Variants in NOL8 observed in about 807,000 individuals in gnomAD.
NOL8 encodes the protein nucleolar protein Nop132.
In NOL8, 93 loss-of-function variants were observed where a neutral mutation model predicts 116.1. The observed-to-expected ratio is 0.80, with a 90% CI of 0.68 to 0.95. The LOEUF is 0.95. NOL8 is among the 40% of genes least tolerant of loss of function. The pLI, the probability that NOL8 is intolerant of heterozygous loss-of-function variation, is 0.00. For synonymous variants in NOL8, 419 were observed against 469.0 expected, an observed-to-expected ratio of 0.89 and a Z score of 1.38; for missense variants, 1,291 against 1,382.8, an observed-to-expected ratio of 0.93 and a Z score of 1.05.
rs1170461012 is a variant in NOL8, at chr9:92,321,095, G to T, written c.281+573C>A. Among the ~76,000 whole-genome samples, 3 of 151,882 alleles carry T rather than the reference G, an allele frequency of 2.0e-5. No homozygotes were observed. The East Asian group carries it at 5.8e-4, about 29-fold the overall frequency. ...GATCTCCTATTTCCTTTATATTTTG[G>T]TATGACACTAGCATTAACAGTCAAA... On this transcript the variant is annotated intron_variant, in intron 4 of 16. Coordinates refer to ENST00000442668, the MANE Select transcript of NOL8 (RefSeq NM_017948.6).
At position 92,297,696 on chromosome 9, in the gene NOL8, A is replaced by T. The variant is rs532812021; in HGVS notation, c.*140T>A. 8 of 633,370 alleles carry T rather than the reference A, an allele frequency of 1.3e-5. No individual in the cohort carries two copies. Among genetic ancestry groups the T allele is most frequent in the Non-Finnish European group, 1.6e-5 (6 of 366,414 alleles). The allele number at this position is 633,370 out of a possible 1,614,324, so 39.2% of individuals were successfully genotyped here. A position where few individuals can be genotyped will look rare whatever the true frequency, so the allele number is the denominator to read the frequency against. On this transcript the variant is annotated 3_prime_UTR_variant, in exon 17 of 17. Coordinates refer to ENST00000442668, the MANE Select transcript of NOL8 (RefSeq NM_017948.6). ...AGGAGTTCCACAGAAAAAGATGGCA[A>T]CCAGAATGATATTCCGTCAGCCAGA...
At chr9:92,302,719 C>G (rs1837859305) in intron 12 of NOL8, among the ~76,000 whole-genome samples, 1 of 152,160 alleles carries the variant, frequency 6.6e-6, no homozygotes, top group South Asian at 2.1e-4. Context: ...AGTTAATTCC[C>G]TCATCCCTTG....
chr9:92,306,705 A>C (rs1314593643), intron 11 of NOL8, among the ~76,000 whole-genome samples, 181 bp downstream of exon 11: 1 of 152,212 alleles, frequency 6.6e-6, no homozygotes, highest in Non-Finnish European at 1.5e-5. Context: ...TACAGAAATA[A>C]TTTAAGATTA....
In NOL8 at chr9:92,324,094, T is replaced by A. The variant is rs371945946; in HGVS notation, c.68A>T (p.Asp23Val). Residue 23 changes from aspartate (D) to valine (V), a missense_variant, in exon 2 of 17, where the codon GAC (aspartate) becomes GTC (valine). Asp to Val is a radical substitution (Grantham distance 152, BLOSUM62 -3). Coordinates refer to ENST00000442668, the MANE Select transcript of NOL8 (RefSeq NM_017948.6). ...GGLSQDISEA[D>V]LQNQFSRFGE... ...AAATCTGCTGAACTGATTTTGTAGG[T>A]CTGCCTCAGAAATGTCCTGGCTAAG... 5.0e-6 allele frequency: 8 copies of A among 1,614,070 alleles called. No homozygotes were observed. The African/African-American group carries it at 9.3e-5, about 19-fold the overall frequency.
chr9:92,309,386 C>T (rs1838558775), intron 10 of NOL8, among the ~76,000 whole-genome samples: 1 of 151,790 alleles, frequency 6.6e-6, no homozygotes, highest in Non-Finnish European at 1.5e-5. Flanking sequence ...CTAACTATGT[C>T]TGTAGAAAAA....
Position 92,319,283 on chromosome 9 carries a change from T to C in NOL8, c.355A>G (p.Lys119Glu). ...ATATGGAAATCCACTCCTCCTGTCT[T>C]TTCTAACAAGTTGGCGTTACCTGTT... ...STTGNANLLE[K>E]TGGVDFHMKA... is the part of the protein sequence containing the mutation. The change falls in exon 5 of 17, where the codon AAG (lysine) becomes GAG (glutamate). Residue 119 changes from lysine to glutamate, a missense_variant. Coordinates refer to ENST00000442668, the MANE Select transcript of NOL8 (RefSeq NM_017948.6). The C allele has an allele frequency of 6.3e-7, 1 of 1,596,824 alleles. No individual in the cohort carries two copies. The highest frequency in any genetic ancestry group is 8.5e-7 in the Non-Finnish European group (1 of 1,173,190).
intron 14 of NOL8, 47 bp downstream of exon 14, chr9:92,299,843 G>C (rs1030183888): frequency 3.5e-5 from 55 of 1,592,600 alleles, no homozygotes; most frequent in Non-Finnish European, 4.6e-5. Context: ...GTCTAATTCA[G>C]ATTTTACAAA....
intron 16 of NOL8, 51 bp downstream of exon 16, chr9:92,298,206 G>T: frequency 7.4e-7 from 1 of 1,356,822 alleles, no homozygotes; most frequent in Non-Finnish European, 1.0e-6. Flanking sequence ...TGTAATTCTA[G>T]ATAGGTAACA....
At position 92,315,158 on chromosome 9, in the gene NOL8, A is replaced by C. The variant is rs773821425; in HGVS notation, c.1467T>G (p.Ala489=). 2 of 1,614,010 alleles carry C rather than the reference A, an allele frequency of 1.2e-6. No individual in the cohort carries two copies. Among genetic ancestry groups the C allele is most frequent in the Non-Finnish European group, 8.5e-7 (1 of 1,179,894 alleles). ...CACTGCCAGCCAATTGTTCCAAATC[A>C]GCTAAAGTGAGATTCACACGAAGGC... The part of the protein sequence containing the change: ...KNCLRVNLTL[A]DLEQLAGSDL... The change falls in exon 7 of 17, where the codon GCT becomes GCG. Residue 489 remains alanine (A), a synonymous_variant. Transcript: ENST00000442668.
intron 11 of NOL8, 80 bp downstream of exon 11, chr9:92,306,806 G>T (rs1244055226): frequency 3.6e-6 from 5 of 1,381,678 alleles, no homozygotes; most frequent in Non-Finnish European, 3.0e-6. Context: ...CATTAAAAGA[G>T]ACCTAGTTTT....
intron 13 of NOL8, chr9:92,300,639 C>G: frequency 9.9e-7 from 1 of 1,011,730 alleles, no homozygotes; most frequent in Non-Finnish European, 1.2e-6. Flanking sequence ...TTACATCATG[C>G]CAACTCTACT....
At chr9:92,316,439 T>C (rs746176021) in intron 6 of NOL8, among the ~76,000 whole-genome samples, 1 of 152,226 alleles carries the variant, frequency 6.6e-6, no homozygotes, top group African/African-American at 2.4e-5. Flanking sequence ...GTCTCAGGGC[T>C]ATTTTCTGTA....
chr9:92,300,103 C>A, intron 13 of NOL8, 87 bp from the exon 14 acceptor site: 1 of 1,485,648 alleles, frequency 6.7e-7, no homozygotes, highest in South Asian at 1.4e-5. Context: ...ACTTTTACCA[C>A]GTAGACATAT....
At chr9:92,300,439 A>C in intron 13 of NOL8, 3 of 988,450 alleles carry the variant, frequency 3.0e-6, no homozygotes, top group Non-Finnish European at 3.6e-6. Flanking sequence ...TTACATTTTC[A>C]ATACCCAAAA....
At chr9:92,298,369 CA>C in intron 15 of NOL8, 33 bp from the exon 16 acceptor site, 1 of 1,359,076 alleles carries the variant, frequency 7.4e-7, no homozygotes, top group Non-Finnish European at 1.0e-6. Flanking sequence ...GATGAGGCAG[CA>C]AACTACTACT....
intron 4 of NOL8, 89 bp from the exon 5 acceptor site, chr9:92,319,445 C>T: frequency 7.5e-7 from 1 of 1,333,028 alleles, no homozygotes; most frequent in Non-Finnish European, 9.8e-7. Context: ...TAAATGAGCA[C>T]TATAAACAGC....
chr9:92,301,949 C>CT (rs1837790544), intron 12 of NOL8, 127 bp from the exon 13 acceptor site: 1 of 716,364 alleles, frequency 1.4e-6, no homozygotes, highest in Non-Finnish European at 2.2e-6. Context: ...ATATAAAACT[C>CT]TACTTATAAA....
rs1387013988 is a variant in NOL8 at position 92,315,571 on chromosome 9, T to C, written c.1054A>G (p.Ile352Val). ...KSGVHKLHSL[I>V]GLGIKNRVSC... is the part of the protein sequence containing the mutation. ...ACACGATTTTTGATACCTAAACCTATTAAAGAATGCAGTTTGTGAACGCCT... is the reference window on the plus strand; with the variant it reads ...ACACGATTTTTGATACCTAAACCTACTAAAGAATGCAGTTTGTGAACGCCT... The change falls in exon 7 of 17, where the codon ATA (isoleucine) becomes GTA (valine). Residue 352 changes from isoleucine (I) to valine (V), a missense_variant. Physicochemically the swap from Ile to Val is conservative, Grantham distance 29. Coordinates refer to ENST00000442668, the MANE Select transcript of NOL8 (RefSeq NM_017948.6). The C allele has an allele frequency of 1.2e-6, 2 of 1,612,810 alleles. No homozygotes were observed. Among genetic ancestry groups the C allele is most frequent in the Admixed American group, 1.7e-5 (1 of 59,950 alleles).
chr9:92,304,349 G>A (rs767765142), intron 12 of NOL8, among the ~76,000 whole-genome samples: 12 of 152,154 alleles, frequency 7.9e-5, no homozygotes, highest in Admixed American at 1.3e-4. Flanking sequence ...CTGTTCCACC[G>A]CTCTATATTG....
Sources: allele counts gnomAD v4.1 joint callset (sites outside exome capture counted in the v4.1 genomes callset), GRCh38; gene constraint gnomAD v4.1.1; transcripts MANE v1.5; gene names NCBI Gene and HGNC (gene_info 2026-07-23, HGNC 2026-07-21).